Variants in TRAF7 observed in about 807,000 individuals in gnomAD.
The protein encoded by TRAF7 is TNF receptor associated factor 7.
Under a neutral mutation model 89.3 loss-of-function variants are expected in TRAF7, and 45 were observed. The ratio of observed to expected loss-of-function variants is 0.50; its 90% CI spans 0.40 to 0.65. The LOEUF is 0.65. TRAF7 is among the 30% of genes least tolerant of loss of function. TRAF7 has a pLI of 0.00. For synonymous variants in TRAF7, 406 were observed against 369.2 expected, an observed-to-expected ratio of 1.10 and a Z score of -1.14; for missense variants, 677 against 918.1, an observed-to-expected ratio of 0.74 and a Z score of 3.39.
rs1229521021 is a variant in TRAF7 at position 2,163,075 on chromosome 16, C to T, written c.-38-808C>T. 2.6e-5 allele frequency among the ~76,000 whole-genome samples: 4 copies of T among 152,178 alleles called. No homozygotes were observed. The highest frequency in any genetic ancestry group is 6.5e-5 in the Admixed American group (1 of 15,284). ...TCTTTTTCTCTCTAATGTTTACCTT[C>T]CCCTACTGGTGTCCCTGGGCCTGGC... On this transcript the variant is annotated intron_variant, in intron 1 of 20. Coordinates refer to ENST00000326181, the MANE Select transcript of TRAF7 (RefSeq NM_032271.3). The surrounding 1 kb of genome is among the most constrained non-coding windows in gnomAD (Gnocchi z 4.3).
intron 3 of TRAF7, 114 bp downstream of exon 3, chr16:2,166,050 T>A: frequency 7.4e-7 from 1 of 1,344,408 alleles, no homozygotes; most frequent in Non-Finnish European, 1.0e-6. Context: ...GTGCCAGTGC[T>A]GGGCGCGGGC....
At chr16:2,167,282 T>G (rs953091057) in intron 3 of TRAF7, among the ~76,000 whole-genome samples, 1 of 152,120 alleles carries the variant, frequency 6.6e-6, no homozygotes, top group Non-Finnish European at 1.5e-5. Context: ...TGGCCCCTCA[T>G]GACAGATGGG....
In TRAF7 at chr16:2,177,421, A is replaced by T. The variant is rs1339768600; in HGVS notation, c.*847A>T. 8.6e-6 allele frequency: 2 copies of T among 232,576 alleles called. No homozygotes were observed. Among genetic ancestry groups the T allele is most frequent in the Non-Finnish European group, 1.7e-5 (2 of 117,630 alleles). 14.4% of individuals were successfully genotyped at this position (232,576 alleles called of 1,614,324 possible). A position where few individuals can be genotyped will look rare whatever the true frequency, so the allele number is the denominator to read the frequency against. On this transcript the variant is annotated 3_prime_UTR_variant, in exon 21 of 21. Coordinates refer to ENST00000326181, the MANE Select transcript of TRAF7 (RefSeq NM_032271.3). ...CAATCGCTGGTTTTCGGCATTTTTTAAATTTTTTTTTTAAGAAACGTCAAA... is the reference window on the plus strand; with the variant it reads ...CAATCGCTGGTTTTCGGCATTTTTTTAATTTTTTTTTTAAGAAACGTCAAA...
chr16:2,176,035 CCCA>C lies in TRAF7; in HGVS notation c.1747-11_1747-9del, dbSNP rs1567254032. 6.2e-7 allele frequency: 1 copy of C among 1,607,402 alleles called. No individual in the cohort carries two copies. Among genetic ancestry groups the C allele is most frequent in the Admixed American group, 1.7e-5 (1 of 59,802 alleles). ...GCTCAGTGTCTTTGACCTGCCTGTG[CCCA>C]CCCCTCCCAGGTGTGGGACATTGAG... On this transcript the variant is annotated splice_polypyrimidine_tract_variant and intron_variant, in intron 18 of 20. Coordinates refer to ENST00000326181, the MANE Select transcript of TRAF7 (RefSeq NM_032271.3).
At chr16:2,160,766 A>C (rs1010922590) in intron 1 of TRAF7, among the ~76,000 whole-genome samples, 9 of 151,986 alleles carry the variant, frequency 5.9e-5, no homozygotes, top group Non-Finnish European at 1.3e-4. Context: ...ATTGAAGGGG[A>C]ATTCTCACTC....
At chr16:2,164,715 G>C (rs1264593566) in intron 2 of TRAF7, among the ~76,000 whole-genome samples, 70 of 105,358 alleles carry the variant, frequency 6.6e-4, no homozygotes, top group Admixed American at 1.0e-3. Flanking sequence ...GCTGCGTGGC[G>C]CGGCCTGGTC....
chr16:2,167,419 G>A (rs2093091117), intron 3 of TRAF7, among the ~76,000 whole-genome samples: 1 of 152,224 alleles, frequency 6.6e-6, no homozygotes. Context: ...CACGTGGACT[G>A]ACCGGCCGGT....
At chr16:2,164,186 G>T (rs185162203) in intron 2 of TRAF7, among the ~76,000 whole-genome samples, 185 bp downstream of exon 2, 1 of 138,364 alleles carries the variant, frequency 7.2e-6, no homozygotes, top group East Asian at 2.2e-4. Flanking sequence ...GCGCGCACGC[G>T]TGCGTGTGTG....
At chr16:2,167,158 CCT>C (rs1290321368) in intron 3 of TRAF7, among the ~76,000 whole-genome samples, 27 of 152,282 alleles carry the variant, frequency 1.8e-4, no homozygotes, top group Non-Finnish European at 2.1e-4. Flanking sequence ...CCCCATGGCC[CCT>C]GTCACACGGC....
In TRAF7 at chr16:2,163,816, C is replaced by T. The variant is rs1374812437; in HGVS notation, c.-38-67C>T. 9 of 1,053,692 alleles carry T rather than the reference C, an allele frequency of 8.5e-6. No homozygotes were observed. Among genetic ancestry groups the T allele is most frequent in the Middle Eastern group, 1.9e-4 (1 of 5,148 alleles). The allele number at this position is 1,053,692 out of a possible 1,614,324, so 65.3% of individuals were successfully genotyped here. Reference sequence around the variant, plus strand: ...CCACAGCAGGTCTGCACACTTGCAGCAGCCCGTCTGACTCACAGGGGCCTG... The same window carrying T: ...CCACAGCAGGTCTGCACACTTGCAGTAGCCCGTCTGACTCACAGGGGCCTG... On this transcript the variant is annotated intron_variant, in intron 1 of 20. Transcript: ENST00000326181. This position sits in a 1 kb window ranked among gnomAD's most constrained non-coding sequence, Gnocchi z 4.3.
Position 2,177,182 on chromosome 16 carries a change from T to C in TRAF7, c.*608T>C, listed in dbSNP as rs959706707. On this transcript the variant is annotated 3_prime_UTR_variant, in exon 21 of 21. Transcript: ENST00000326181. ...CCCCAAAAAGTGAGCCAGGCACCTC[T>C]GTTTCCTGCTGTTTATTGACAGCCG... 4.1e-6 allele frequency: 1 copy of C among 245,568 alleles called. No homozygotes were observed. Among genetic ancestry groups the C allele is most frequent in the Non-Finnish European group, 8.1e-6 (1 of 123,944 alleles). The allele number at this position is 245,568 out of a possible 1,614,324, so 15.2% of individuals were successfully genotyped here.
rs774357856 is a variant in TRAF7 at position 2,168,214 on chromosome 16, C to G, written c.231+46C>G. ...GCCCGTGTGAGCCTCAGCCTCCCCCCATCCTCCCTCCTGGGGGAACCAGGT... is the reference window on the plus strand; with the variant it reads ...GCCCGTGTGAGCCTCAGCCTCCCCCGATCCTCCCTCCTGGGGGAACCAGGT... On this transcript the variant is annotated intron_variant, in intron 4 of 20. Transcript: ENST00000326181. The surrounding 1 kb of genome is among the most constrained non-coding windows in gnomAD (Gnocchi z 4.1). 16 of 1,519,134 alleles carry G rather than the reference C, an allele frequency of 1.1e-5. No homozygotes were observed. The highest frequency in any genetic ancestry group is 1.7e-4 in the Middle Eastern group (1 of 5,758). The allele number at this position is 1,519,134 out of a possible 1,614,324, so 94.1% of individuals were successfully genotyped here.
At chr16:2,160,841 C>G (rs2093055618) in intron 1 of TRAF7, among the ~76,000 whole-genome samples, 1 of 151,956 alleles carries the variant, frequency 6.6e-6, no homozygotes, top group Admixed American at 6.5e-5. Flanking sequence ...GAAAGAGGCA[C>G]TCTCCCTCTG....
In TRAF7 at chr16:2,176,603, C is replaced by T. The variant is rs756638955; in HGVS notation, c.*29C>T. On this transcript the variant is annotated 3_prime_UTR_variant, in exon 21 of 21. Coordinates refer to ENST00000326181, the MANE Select transcript of TRAF7 (RefSeq NM_032271.3). The stretch of plus-strand genomic sequence containing the variant: ...GATCCAGGCCAGGCTGTGGTTTCCC[C>T]TGAACCAGCCCTGGACCTTTCTGAG... 18 of 1,613,246 alleles carry T rather than the reference C, an allele frequency of 1.1e-5. No homozygotes were observed.
chr16:2,172,696 C>T (rs1055354760), intron 9 of TRAF7, 97 bp downstream of exon 9: 154 of 1,392,546 alleles, frequency 1.1e-4, no homozygotes, highest in Non-Finnish European at 1.4e-4. Context: ...GGAGGTAGGC[C>T]GGAGCTGGGG....
At chr16:2,173,885 CAACTG>C in intron 12 of TRAF7, 31 bp from the exon 13 acceptor site, 1 of 1,610,204 alleles carries the variant, frequency 6.2e-7, no homozygotes, top group Admixed American at 1.7e-5. Flanking sequence ...CCCCGGGCCC[CAACTG>C]GGCCTTCACC....
chr16:2,170,423 A>C (rs2093103847), intron 4 of TRAF7, among the ~76,000 whole-genome samples, 191 bp from the exon 5 acceptor site: 1 of 152,220 alleles, frequency 6.6e-6, no homozygotes. Flanking sequence ...CCAGGCGGGC[A>C]GGCAGGGACC....
Position 2,165,952 on chromosome 16 carries a change from A to G in TRAF7, c.139+16A>G, listed in dbSNP as rs2093085096. 6.2e-7 allele frequency: 1 copy of G among 1,614,026 alleles called. No homozygotes were observed. Among genetic ancestry groups the G allele is most frequent in the Non-Finnish European group, 8.5e-7 (1 of 1,179,940 alleles). ...ATCACAAAAGGTGAGCCCTTAAGCCAAGGCCAGCCCAGGCTGGGAATAACC... is the reference window on the plus strand; with the variant it reads ...ATCACAAAAGGTGAGCCCTTAAGCCGAGGCCAGCCCAGGCTGGGAATAACC... On this transcript the variant is annotated intron_variant, in intron 3 of 20. Transcript: ENST00000326181.
chr16:2,176,332 T>C lies in TRAF7; in HGVS notation c.1946T>C (p.Leu649Pro). ...CGTCACCAGGGCAGTGTCACCGCGC[T>C]GGCTGTGTCCCGGGGCCGACTCTTC... ...LLRHQGSVTALAVSRGRLFSG... is the reference protein window; with the variant it reads ...LLRHQGSVTAPAVSRGRLFSG... The change falls in exon 20 of 21, where the codon CTG becomes CCG. Residue 649 changes from leucine (L) to proline (P), a missense_variant. By Grantham distance (98) the Leu-to-Pro change is moderately conservative. Transcript: ENST00000326181. 2 of 1,605,100 alleles carry C rather than the reference T, an allele frequency of 1.2e-6. No individual in the cohort carries two copies.
Sources: gnomAD v4.1 joint callset for allele counts (sites outside exome capture counted in the v4.1 genomes callset) on GRCh38, gnomAD v4.1.1 for gene constraint, Gnocchi (gnomAD v3.1) non-coding constraint, MANE v1.5 for transcripts, NCBI Gene and HGNC (gene_info 2026-07-23, HGNC 2026-07-21) for gene names.